The following SLC12A5 variants were observed in gnomAD, a reference collection of about 807,000 sequenced individuals.
SLC12A5 encodes the protein solute carrier family 12 member 5.
A neutral mutation model predicts 124.0 loss-of-function variants in SLC12A5; 18 were observed. The observed-to-expected ratio is 0.15, with a 90% confidence interval of 0.10 to 0.22. The LOEUF (loss-of-function observed/expected upper bound fraction) is 0.22. SLC12A5 is among the 10% of genes least tolerant of loss of function. The pLI, the probability that SLC12A5 is intolerant of heterozygous loss-of-function variation, is 1.00. For synonymous variants in SLC12A5, 589 were observed against 568.0 expected (o/e 1.04, Z -0.53); for missense variants, 867 against 1,478.7 (o/e 0.59, Z 6.78).
chr20:46,029,790 C>T (rs2084429672), intron 1 of SLC12A5, among the ~76,000 whole-genome samples: 1 of 151,800 alleles, frequency 6.6e-6, no homozygotes, highest in African/African-American at 2.4e-5. Flanking sequence ...ACCCGTGGAG[C>T]CGGGGGGCGC....
intron 21 of SLC12A5, chr20:46,055,801 C>T (rs1016557452): frequency 3.6e-6 from 1 of 277,462 alleles, no homozygotes; most frequent in African/African-American, 2.2e-5. Flanking sequence ...AGGATGGATC[C>T]TCCAAGGCTG....
chr20:46,029,143 C>A, upstream of SLC12A5: 1 of 1,398,900 alleles, frequency 7.1e-7, no homozygotes, highest in Non-Finnish European at 9.3e-7. Flanking sequence ...AGCAGCGCCG[C>A]TGCTGAGAGG....
chr20:46,052,920 T>C, intron 18 of SLC12A5, 37 bp from the exon 19 acceptor site: 3 of 1,568,844 alleles, frequency 1.9e-6, no homozygotes, highest in Non-Finnish European at 2.6e-6. Flanking sequence ...CCAGAGTCAC[T>C]GTTTCCCCCT....
chr20:46,044,647 C>T, intron 11 of SLC12A5: 1 of 354,230 alleles, frequency 2.8e-6, no homozygotes, highest in Non-Finnish European at 5.2e-6. Context: ...ACACAACTGG[C>T]CGGGTGGTGT....
At chr20:46,033,663 C>G (rs2084472854) in intron 1 of SLC12A5, among the ~76,000 whole-genome samples, 1 of 152,150 alleles carries the variant, frequency 6.6e-6, no homozygotes, top group Non-Finnish European at 1.5e-5. Context: ...GCATCTTCCC[C>G]ACCTCCAAAC....
At position 46,049,107 on chromosome 20, in the gene SLC12A5, G is replaced by A. The variant is rs566631410; in HGVS notation, c.2013-515G>A. On this transcript the variant is annotated intron_variant, in intron 16 of 25. Coordinates refer to ENST00000243964, the MANE Select transcript of SLC12A5 (RefSeq NM_020708.5). ...ACTAAACTGGGCTCCCAGAACCTGG[G>A]GCTCTATATTATTTATCTGTGAATT... Among the ~76,000 whole-genome samples the A allele has an allele frequency of 6.6e-5, 10 of 152,268 alleles. No individual in the cohort carries two copies. In the South Asian group the frequency reaches 2.1e-3, roughly 32 times the overall value.
chr20:46,039,641 G>T (rs796076692), intron 6 of SLC12A5, among the ~76,000 whole-genome samples: 1 of 152,108 alleles, frequency 6.6e-6, no homozygotes, highest in Admixed American at 6.5e-5. Context: ...CAGGGGTGGT[G>T]GTGGGCACCT....
At chr20:46,044,872 A>T in intron 11 of SLC12A5, 94 bp from the exon 12 acceptor site, 1 of 1,395,448 alleles carries the variant, frequency 7.2e-7, no homozygotes. Context: ...GTCCTGTGGC[A>T]GGCACACAGT....
rs965410402 is a variant in SLC12A5, at chr20:46,040,742, C to T, written c.854+128C>T. On this transcript the variant is annotated intron_variant, in intron 7 of 25. Coordinates refer to ENST00000243964, the MANE Select transcript of SLC12A5 (RefSeq NM_020708.5). ...AGTGGTGTGGGTTGGGAGTAGCTTC[C>T]CTTGGGAGGGAAAATCTCTCTTAGT... The T allele has an allele frequency of 1.1e-5, 16 of 1,402,802 alleles. No homozygotes were observed. The Admixed American group carries it at 3.1e-4, about 27-fold the overall frequency. 86.9% of individuals were successfully genotyped at this position (1,402,802 alleles called of 1,614,324 possible). A position where few individuals can be genotyped will look rare whatever the true frequency, so the allele number is the denominator to read the frequency against.
Position 46,053,258 on chromosome 20 carries a change from T to C in SLC12A5, c.2547+132T>C, listed in dbSNP as rs2084662049. 4 of 977,868 alleles carry C rather than the reference T, an allele frequency of 4.1e-6. No homozygotes were observed. The highest frequency in any genetic ancestry group is 4.5e-6 in the Non-Finnish European group (3 of 674,082). The allele number at this position is 977,868 out of a possible 1,614,324, so 60.6% of individuals were successfully genotyped here. Reference sequence around the variant, plus strand: ...GTCAGCTTCCGTGTCCTTCCTCCCCTGTAAACTCCTGGGAAAGGGATCTGC... The same window carrying C: ...GTCAGCTTCCGTGTCCTTCCTCCCCCGTAAACTCCTGGGAAAGGGATCTGC... On this transcript the variant is annotated intron_variant, in intron 19 of 25. Transcript: ENST00000243964. This position sits in a 1 kb window ranked among gnomAD's most constrained non-coding sequence, Gnocchi z 4.7.
Position 46,058,874 on chromosome 20 carries a change from G to A in SLC12A5, c.*1269G>A. The A allele has an allele frequency of 2.5e-6, 1 of 397,616 alleles. No individual in the cohort carries two copies. The highest frequency in any genetic ancestry group is 4.4e-6 in the Non-Finnish European group (1 of 226,000). The allele number at this position is 397,616 out of a possible 1,614,324, so 24.6% of individuals were successfully genotyped here. A position where few individuals can be genotyped will look rare whatever the true frequency, so the allele number is the denominator to read the frequency against. On this transcript the variant is annotated 3_prime_UTR_variant, in exon 26 of 26. Coordinates refer to ENST00000243964, the MANE Select transcript of SLC12A5 (RefSeq NM_020708.5). The surrounding 1 kb of genome is among the most constrained non-coding windows in gnomAD (Gnocchi z 5.8). ...GACCCAGCCGCCTTCTCCGTGCTCT[G>A]GGGCCGGGCCTCGCTGCTTAGCAGC...
exon 3 of SLC12A5, chr20:46,023,483 G>A (rs569049565): frequency 5.0e-6 from 2 of 398,548 alleles, no homozygotes; most frequent in South Asian, 1.3e-4. Flanking sequence ...ACATGGCCAC[G>A]ACCACATCCT....
upstream of SLC12A5, among the ~76,000 whole-genome samples, chr20:46,024,412 G>C (rs2084379788): frequency 6.6e-6 from 1 of 152,102 alleles, no homozygotes; most frequent in Admixed American, 6.6e-5. Context: ...CCTCCTCTCT[G>C]GCAGATCACT....
At chr20:46,049,134 C>T (rs534230229) in intron 16 of SLC12A5, among the ~76,000 whole-genome samples, 2 of 152,182 alleles carry the variant, frequency 1.3e-5, no homozygotes, top group South Asian at 4.1e-4. Context: ...CTGTGAATTC[C>T]CAAATGCTCA....
rs895900475 is a variant in SLC12A5 at position 46,023,051 on chromosome 20, G to A, written c.171G>A (p.Gln57=). 3 of 401,128 alleles carry A rather than the reference G, an allele frequency of 7.5e-6. No homozygotes were observed. In the Admixed American group the frequency reaches 1.3e-4, roughly 18 times the overall value. 24.8% of individuals were successfully genotyped at this position (401,128 alleles called of 1,614,324 possible). ...GAGGAGAAGCCTCCCCAGACCGCCAGGGGTCGCTGCCGAGCCGCAGGTGAG... is the reference window on the plus strand; with the variant it reads ...GAGGAGAAGCCTCCCCAGACCGCCAAGGGTCGCTGCCGAGCCGCAGGTGAG... Residue 57 remains glutamine, a synonymous_variant, in exon 2 of 3, where the codon CAG becomes CAA. Coordinates refer to the SLC12A5 transcript ENST00000413737.
At chr20:46,022,620 G>A (rs538619434) in intron 1 of SLC12A5, 27 of 389,152 alleles carry the variant, frequency 6.9e-5, no homozygotes, top group African/African-American at 4.1e-4. Flanking sequence ...GGAGGATGCC[G>A]TAGGGTCGCT....
chr20:46,021,918 G>A (rs914528285), intron 1 of SLC12A5: 2 of 1,488,086 alleles, frequency 1.3e-6, no homozygotes, highest in South Asian at 2.6e-5. Context: ...GCCTGCCAGG[G>A]CCGGGCGGGA....
At chr20:46,032,351 G>C (rs1227653932) in intron 1 of SLC12A5, among the ~76,000 whole-genome samples, 4 of 152,234 alleles carry the variant, frequency 2.6e-5, no homozygotes, top group Admixed American at 6.5e-5. Flanking sequence ...GGGTTCTCCT[G>C]TCTGGTTGTC....
chr20:46,047,668 G>T (rs569563272), intron 15 of SLC12A5, 95 bp downstream of exon 15: 3 of 1,483,778 alleles, frequency 2.0e-6, no homozygotes, highest in Admixed American at 1.9e-5. Flanking sequence ...GGTGGTGGGG[G>T]TGAGATGAAG....
Sources: allele counts gnomAD v4.1 joint callset (sites outside exome capture counted in the v4.1 genomes callset), GRCh38; gene constraint gnomAD v4.1.1; non-coding constraint Gnocchi (gnomAD v3.1); transcripts MANE v1.5; gene names NCBI Gene and HGNC (gene_info 2026-07-23, HGNC 2026-07-21).